Variants in ESRRG observed in about 807,000 individuals in gnomAD.
ESRRG encodes the protein estrogen-related receptor gamma.
Under a neutral mutation model 44.0 loss-of-function variants are expected in ESRRG, and 13 were observed. The observed-to-expected ratio is 0.30, with a 90% CI of 0.19 to 0.47. The LOEUF (loss-of-function observed/expected upper bound fraction) is 0.47. Among genes scored for constraint, ESRRG ranks in the 20% least tolerant of loss-of-function variants. The pLI is 1.00. For synonymous variants in ESRRG, 215 were observed against 214.6 expected, an observed-to-expected ratio of 1.00 and a Z score of -0.02; for missense variants, 395 against 580.6, an observed-to-expected ratio of 0.68 and a Z score of 3.29.
chr1:216,877,378 T>G (rs1166845012), intron 2 of ESRRG, among the ~76,000 whole-genome samples: 1 of 75,698 alleles, frequency 1.3e-5, no homozygotes, highest in Non-Finnish European at 2.4e-5. Context: ...ATAGGTATGG[T>G]GTTTTTTTTT....
intron 1 of ESRRG, among the ~76,000 whole-genome samples, chr1:217,070,415 A>T (rs11117766): frequency 0.33 from 49,616 of 151,600 alleles, 8,655 homozygotes; most frequent in East Asian, 0.68. Flanking sequence ...GGAGTCTCAC[A>T]CTATCGCCCA....
chr1:216,542,378 A>T (rs1236748570), intron 5 of ESRRG, among the ~76,000 whole-genome samples: 1 of 151,978 alleles, frequency 6.6e-6, no homozygotes, highest in Non-Finnish European at 1.5e-5. Context: ...AAAAGTAGCT[A>T]TAGCTCTTAA....
At chr1:216,787,978 GA>G (rs1318328578) in intron 2 of ESRRG, among the ~76,000 whole-genome samples, 2 of 152,094 alleles carry the variant, frequency 1.3e-5, no homozygotes, top group Admixed American at 6.6e-5. Flanking sequence ...TCAATTTCCG[GA>G]AGGCTGAGAG....
At chr1:216,740,593 G>A (rs2090544838) in intron 2 of ESRRG, among the ~76,000 whole-genome samples, 2 of 150,660 alleles carry the variant, frequency 1.3e-5, no homozygotes. Flanking sequence ...TTGGACGAGA[G>A]AGATTTCTAA....
At chr1:216,632,645 T>G (rs547034869) in intron 3 of ESRRG, among the ~76,000 whole-genome samples, 1 of 152,250 alleles carries the variant, frequency 6.6e-6, no homozygotes, top group South Asian at 2.1e-4. Context: ...AAATAGAGAT[T>G]TTTGTAAAGG....
At chr1:216,893,030 A>G (rs1376160286) in intron 2 of ESRRG, among the ~76,000 whole-genome samples, 1 of 152,168 alleles carries the variant, frequency 6.6e-6, no homozygotes, top group African/African-American at 2.4e-5. Context: ...ACTACTCACA[A>G]TCTGGTCCTA....
intron 1 of ESRRG, among the ~76,000 whole-genome samples, chr1:217,133,235 A>T (rs191565452): frequency 6.6e-6 from 1 of 152,362 alleles, no homozygotes; most frequent in Admixed American, 6.5e-5. Context: ...GAAGCTCCCG[A>T]ATTTTAAGAT....
upstream of ESRRG, among the ~76,000 whole-genome samples, chr1:216,723,723 TTC>T (rs549070335): frequency 5.9e-5 from 9 of 151,428 alleles, no homozygotes; most frequent in African/African-American, 2.2e-4. Context: ...TTTTCCTCCC[TTC>T]TCTCTCTTTC....
At chr1:216,577,922 G>A (rs1034995634) in intron 3 of ESRRG, among the ~76,000 whole-genome samples, 1 of 151,866 alleles carries the variant, frequency 6.6e-6, no homozygotes, top group East Asian at 1.9e-4. Context: ...TTCTAATAGG[G>A]GAAAACTTTA....
chr1:216,664,344 T>G (rs2073317674), intron 2 of ESRRG, among the ~76,000 whole-genome samples: 1 of 151,896 alleles, frequency 6.6e-6, no homozygotes, highest in Non-Finnish European at 1.5e-5. Flanking sequence ...AAGTGCCTAC[T>G]TCATTGGGAT....
At chr1:216,990,198 G>A (rs191452522) in intron 1 of ESRRG, among the ~76,000 whole-genome samples, 228 of 152,238 alleles carry the variant, frequency 1.5e-3, no homozygotes, top group African/African-American at 3.2e-3. Flanking sequence ...GACAGGCAAA[G>A]ATAACATTTC....
At chr1:216,584,326 G>A (rs1025707005) in intron 3 of ESRRG, among the ~76,000 whole-genome samples, 8 of 150,022 alleles carry the variant, frequency 5.3e-5, no homozygotes, top group Admixed American at 2.7e-4. Flanking sequence ...GCGTGATCTC[G>A]GCTCACTGCA....
intron 5 of ESRRG, among the ~76,000 whole-genome samples, chr1:216,519,669 T>C (rs2045467437): frequency 6.6e-6 from 1 of 152,068 alleles, no homozygotes; most frequent in Admixed American, 6.6e-5. Flanking sequence ...AATAGAGATG[T>C]CGCTTTCTTT....
chr1:216,929,393 C>T (rs2149801998), intron 2 of ESRRG, among the ~76,000 whole-genome samples: 1 of 152,214 alleles, frequency 6.6e-6, no homozygotes, highest in African/African-American at 2.4e-5. Context: ...AAGGGGCCAT[C>T]AAAAAGGCAA....
intron 4 of ESRRG, among the ~76,000 whole-genome samples, chr1:216,567,271 G>A (rs546272365): frequency 1.3e-5 from 2 of 152,318 alleles, no homozygotes; most frequent in East Asian, 3.9e-4. Flanking sequence ...AGGATACAGT[G>A]ATTGCCTCAA....
In ESRRG at chr1:216,899,992, A is replaced by G. The variant is rs144131055; in HGVS notation, c.-14+39590T>C. The stretch of plus-strand genomic sequence containing the variant: ...TGTACATCAGAATCACTCACTGTAT[A>G]TCACAATGCACTAGACAGGTGTTTT... On this transcript the variant is annotated intron_variant, in intron 2 of 7. Transcript: ENST00000359162. Among the ~76,000 whole-genome samples the G allele has an allele frequency of 1.9e-3, 286 of 152,314 alleles. 1 individual carries two copies. The highest frequency in any genetic ancestry group is 6.7e-3 in the African/African-American group (279 of 41,572).
chr1:216,571,606 C>T (rs1487995415), intron 3 of ESRRG, among the ~76,000 whole-genome samples: 2 of 151,992 alleles, frequency 1.3e-5, no homozygotes, highest in Non-Finnish European at 2.9e-5. Flanking sequence ...GTCTTATGTC[C>T]CCCACATCCC....
At chr1:216,835,157 AG>A in intron 2 of ESRRG, among the ~76,000 whole-genome samples, 1 of 47,744 alleles carries the variant, frequency 2.1e-5, no homozygotes, top group East Asian at 2.7e-4. Flanking sequence ...ACTGATAATC[AG>A]AGTTGAATCT....
chr1:217,122,654 G>A (rs1447519795), intron 1 of ESRRG, among the ~76,000 whole-genome samples: 1 of 141,888 alleles, frequency 7.0e-6, no homozygotes, highest in Non-Finnish European at 1.5e-5. Flanking sequence ...TGGCGGGAAA[G>A]ACACACACAC....
Sources: allele counts gnomAD v4.1 joint callset (sites outside exome capture counted in the v4.1 genomes callset), GRCh38; gene constraint gnomAD v4.1.1; transcripts MANE v1.5; gene names NCBI Gene and HGNC (gene_info 2026-07-23, HGNC 2026-07-21).